Variants in SLC14A2 observed in about 807,000 individuals in gnomAD.
SLC14A2 encodes the protein solute carrier family 14 member 2.
A neutral mutation model predicts 104.6 loss-of-function variants in SLC14A2; 91 were observed. The ratio of observed to expected loss-of-function variants is 0.87; its 90% CI spans 0.73 to 1.04. The LOEUF (loss-of-function observed/expected upper bound fraction) is 1.04. Ranked by LOEUF, SLC14A2 falls within the 50% of genes least tolerant of loss-of-function variation. The pLI is 0.00. For synonymous variants in SLC14A2, 476 were observed against 466.4 expected (o/e 1.02, Z -0.27); for missense variants, 1,189 against 1,156.0 (o/e 1.03, Z -0.41).
At chr18:45,171,334 AAAAT>A in the SLC14A2 span, among the ~76,000 whole-genome samples, 1 of 152,108 alleles carries the variant, frequency 6.6e-6, no homozygotes, top group African/African-American at 2.4e-5. Flanking sequence ...TTTAGAAAAA[AAAAT>A]GAGATCTTTA....
chr18:45,551,116 C>T (rs1024402797), intron 2 of SLC14A2, among the ~76,000 whole-genome samples: 1 of 152,078 alleles, frequency 6.6e-6, no homozygotes, highest in African/African-American at 2.4e-5. Flanking sequence ...CAATGAGTAG[C>T]CCTAAGTTCA....
intron 2 of SLC14A2, among the ~76,000 whole-genome samples, chr18:45,561,631 A>C (rs566823571): frequency 1.3e-5 from 2 of 152,232 alleles, no homozygotes; most frequent in African/African-American, 2.4e-5. Context: ...TTTTTAATAA[A>C]AATGAAAAAT....
chr18:45,572,370 TTC>T (rs537405538), intron 2 of SLC14A2, among the ~76,000 whole-genome samples: 6 of 152,330 alleles, frequency 3.9e-5, no homozygotes, highest in African/African-American at 1.4e-4. Context: ...TATGCTAGTG[TTC>T]TCTCTTGGAG....
In SLC14A2 at chr18:45,499,774, G is replaced by A. The variant is rs551079348; in HGVS notation, c.-35+16452G>A. Among the ~76,000 whole-genome samples, 238 of 152,326 alleles carry A rather than the reference G, an allele frequency of 1.6e-3. 2 individuals are homozygous for A. The highest frequency in any genetic ancestry group is 5.4e-3 in the African/African-American group (224 of 41,570). On this transcript the variant is annotated intron_variant, in intron 2 of 20. Coordinates refer to the SLC14A2 transcript ENST00000586448. ...TGATTTGACCTGGGTCCATGTCCCA[G>A]TTTGTAGACTGGAGATGATCATAGG...
Position 45,567,055 on chromosome 18 carries a change from AGTGTGTGTGTGTGTGT to A in SLC14A2, c.-34-57547_-34-57532del, listed in dbSNP as rs3058364. ...TCTATAGCTGAGGACATGTGCACATAGTGTGTGTGTGTGTGTGTGTGTGTGTGTGTGTGTGTGTGTG... is the reference window on the plus strand; with the variant it reads ...TCTATAGCTGAGGACATGTGCACATAGTGTGTGTGTGTGTGTGTGTGTGTG... On this transcript the variant is annotated intron_variant, in intron 2 of 20. Coordinates refer to the SLC14A2 transcript ENST00000586448. Among the ~76,000 whole-genome samples the A allele has an allele frequency of 8.2e-3, 1,151 of 139,898 alleles. 9 individuals carry two copies. The highest frequency in any genetic ancestry group is 0.029 in the African/African-American group (1,077 of 37,384). The allele number at this position is 139,898 out of a possible 152,430, so 91.8% of individuals were successfully genotyped here. A position where few individuals can be genotyped will look rare whatever the true frequency, so the allele number is the denominator to read the frequency against.
At chr18:45,463,542 C>T (rs1330368948) in intron 1 of SLC14A2, among the ~76,000 whole-genome samples, 2 of 152,220 alleles carry the variant, frequency 1.3e-5, no homozygotes, top group African/African-American at 4.8e-5. Flanking sequence ...TACATCTTCA[C>T]ATTTGACACA....
At chr18:45,327,201 G>C (rs768329644) in intron 1 of SLC14A2, among the ~76,000 whole-genome samples, 44 of 152,092 alleles carry the variant, frequency 2.9e-4, no homozygotes, top group Non-Finnish European at 4.9e-4. Flanking sequence ...CCTATTATGA[G>C]CTAGCTATCC....
At chr18:45,287,326 C>A (rs1291137206) in intron 1 of SLC14A2, among the ~76,000 whole-genome samples, 1 of 152,234 alleles carries the variant, frequency 6.6e-6, no homozygotes, top group Non-Finnish European at 1.5e-5. Context: ...CTTGCAATAA[C>A]AGCATATTGA....
intron 1 of SLC14A2, among the ~76,000 whole-genome samples, chr18:45,371,646 CT>C (rs2085724001): frequency 6.6e-6 from 1 of 152,196 alleles, no homozygotes. Flanking sequence ...TCTCTAAAAC[CT>C]TGTGCTTTTC....
chr18:45,200,211 T>G, the SLC14A2 span, among the ~76,000 whole-genome samples: 1 of 152,124 alleles, frequency 6.6e-6, no homozygotes, highest in Non-Finnish European at 1.5e-5. Context: ...GTACCCTTCG[T>G]TTTTCAGACA....
At chr18:45,424,730 T>C (rs2086400094) in intron 1 of SLC14A2, among the ~76,000 whole-genome samples, 1 of 152,234 alleles carries the variant, frequency 6.6e-6, no homozygotes, top group African/African-American at 2.4e-5. Flanking sequence ...TAAGAGACTT[T>C]TCAAGATTTA....
At chr18:45,178,451 AAAT>A in the SLC14A2 span, among the ~76,000 whole-genome samples, 5 of 152,168 alleles carry the variant, frequency 3.3e-5, no homozygotes, top group African/African-American at 4.8e-5. Context: ...AACAAGAAAA[AAAT>A]AATAAGCCAG....
At chr18:45,622,246 G>GC (rs2045183016) in intron 1 of SLC14A2, among the ~76,000 whole-genome samples, 1 of 152,198 alleles carries the variant, frequency 6.6e-6, no homozygotes, top group Non-Finnish European at 1.5e-5. Flanking sequence ...TGGTGACCAT[G>GC]AACGTGAAGG....
chr18:45,235,525 T>A (rs984559530), intron 1 of SLC14A2, among the ~76,000 whole-genome samples: 1 of 152,054 alleles, frequency 6.6e-6, no homozygotes, highest in African/African-American at 2.4e-5. Flanking sequence ...ATTCCTCCTA[T>A]CTAGCTGTAA....
intron 1 of SLC14A2, among the ~76,000 whole-genome samples, chr18:45,261,706 A>G (rs756284269): frequency 6.6e-6 from 1 of 151,538 alleles, no homozygotes; most frequent in African/African-American, 2.4e-5. Context: ...ATAATTTCCA[A>G]TTTCATCCAT....
intron 1 of SLC14A2, among the ~76,000 whole-genome samples, chr18:45,260,703 G>A (rs544676906): frequency 6.6e-6 from 1 of 152,262 alleles, no homozygotes; most frequent in South Asian, 2.1e-4. Flanking sequence ...AATTAACAAT[G>A]CAGAAACAGC....
chr18:45,200,892 T>C, the SLC14A2 span, among the ~76,000 whole-genome samples: 1 of 152,134 alleles, frequency 6.6e-6, no homozygotes, highest in South Asian at 2.1e-4. Flanking sequence ...AATAAACAAA[T>C]CTTGATTCAT....
At chr18:45,418,544 C>T (rs1457158408) in intron 1 of SLC14A2, among the ~76,000 whole-genome samples, 1 of 152,194 alleles carries the variant, frequency 6.6e-6, no homozygotes, top group Non-Finnish European at 1.5e-5. Flanking sequence ...GACCCAGGTT[C>T]ACATCCATGA....
chr18:45,452,015 T>C (rs776137604), intron 1 of SLC14A2, among the ~76,000 whole-genome samples: 4 of 151,834 alleles, frequency 2.6e-5, no homozygotes, highest in Non-Finnish European at 4.4e-5. Context: ...AAATCATCTT[T>C]CAATGCAATA....
Sources: gnomAD v4.1 joint callset for allele counts (sites outside exome capture counted in the v4.1 genomes callset) on GRCh38, gnomAD v4.1.1 for gene constraint, MANE v1.5 for transcripts, NCBI Gene and HGNC (gene_info 2026-07-23, HGNC 2026-07-21) for gene names.